Variants in TPGS2 observed in about 807,000 individuals in gnomAD.
TPGS2 encodes tubulin polyglutamylase complex subunit 2, also known as polyglutamylase subunit 2.
A neutral mutation model predicts 31.1 loss-of-function variants in TPGS2; 26 were observed. That is an observed-to-expected ratio of 0.84 (90% CI 0.61 to 1.16). The LOEUF is 1.16. Among genes scored for constraint, TPGS2 ranks in the 50% most tolerant of loss-of-function variants. The pLI, the probability that TPGS2 is intolerant of heterozygous loss-of-function variation, is 0.00. For synonymous variants in TPGS2, 130 were observed against 136.6 expected (o/e 0.95, Z 0.34); for missense variants, 351 against 363.8 (o/e 0.96, Z 0.29).
Position 36,795,416 on chromosome 18 carries a change from A to T in TPGS2, c.*1389T>A. On this transcript the variant is annotated 3_prime_UTR_variant, in exon 7 of 7. Coordinates refer to ENST00000334295, the MANE Select transcript of TPGS2 (RefSeq NM_015476.4). ...GAGGCCCCTGCACCTCATTCCTCAA[A>T]ACTCCTAATTCTCTAACCTCTGGGA... 1.0e-6 allele frequency: 1 copy of T among 985,328 alleles called. No homozygotes were observed. 61.0% of individuals were successfully genotyped at this position (985,328 alleles called of 1,614,324 possible).
At chr18:36,798,686 C>A in intron 5 of TPGS2, 77 bp from the exon 6 acceptor site, 7 of 1,511,264 alleles carry the variant, frequency 4.6e-6, no homozygotes, top group Non-Finnish European at 5.3e-6. Context: ...AAAGGTTATA[C>A]TCATGGCCTT....
In TPGS2 at chr18:36,794,399, C is replaced by CTTGA. The variant is rs1343542163; in HGVS notation, c.*2402_*2405dup. On this transcript the variant is annotated 3_prime_UTR_variant, in exon 7 of 7. Coordinates refer to ENST00000334295, the MANE Select transcript of TPGS2 (RefSeq NM_015476.4). ...TTTGATAGCCTTTTGAGAACTCCCA[C>CTTGA]TTGATTGCCACAGATTTGAGTGACA... 2.0e-6 allele frequency: 2 copies of CTTGA among 985,362 alleles called. No homozygotes were observed. Among genetic ancestry groups the CTTGA allele is most frequent in the African/African-American group, 3.5e-5 (2 of 57,220 alleles). 61.0% of individuals were successfully genotyped at this position (985,362 alleles called of 1,614,324 possible). A position where few individuals can be genotyped will look rare whatever the true frequency, so the allele number is the denominator to read the frequency against.
chr18:36,822,359 C>T (rs1011409341), intron 1 of TPGS2, among the ~76,000 whole-genome samples: 1 of 152,164 alleles, frequency 6.6e-6, no homozygotes, highest in Admixed American at 6.5e-5. Context: ...GTCTTTTCCC[C>T]CTGCTAATCA....
At chr18:36,801,740 G>C (rs2044827360) in intron 4 of TPGS2, among the ~76,000 whole-genome samples, 1 of 150,348 alleles carries the variant, frequency 6.7e-6, no homozygotes, top group South Asian at 2.1e-4. Flanking sequence ...CCCTTTGGCT[G>C]CATTTATGAT....
intron 3 of TPGS2, 72 bp downstream of exon 3, chr18:36,807,775 G>C: frequency 7.0e-7 from 1 of 1,424,186 alleles, no homozygotes; most frequent in South Asian, 1.2e-5. Flanking sequence ...CTCAAAAGTC[G>C]AAGGGCCCTC....
At chr18:36,816,020 A>T (rs1234031999) in intron 2 of TPGS2, among the ~76,000 whole-genome samples, 1 of 152,150 alleles carries the variant, frequency 6.6e-6, no homozygotes, top group African/African-American at 2.4e-5. Flanking sequence ...GCATATTTGA[A>T]CTTAGATCTG....
At chr18:36,814,373 T>C (rs1183279092) in intron 2 of TPGS2, among the ~76,000 whole-genome samples, 1 of 152,174 alleles carries the variant, frequency 6.6e-6, no homozygotes, top group East Asian at 1.9e-4. Context: ...AAATTGTGTA[T>C]TTAAGAAGAA....
intron 6 of TPGS2, 68 bp downstream of exon 6, chr18:36,798,381 A>G (rs1273413866): frequency 2.5e-6 from 4 of 1,603,316 alleles, no homozygotes; most frequent in Non-Finnish European, 3.4e-6. Context: ...GGAACCTGCA[A>G]TGTAACCATT....
rs2044470761 is a variant in TPGS2 at position 36,795,183 on chromosome 18, C to CAACA, written c.*1618_*1621dup. ...TCTCATGAATATCTATCACTATTGT[C>CAACA]AACAATCAAAATAAACATGTTTCAG... On this transcript the variant is annotated 3_prime_UTR_variant, in exon 7 of 7. Coordinates refer to ENST00000334295, the MANE Select transcript of TPGS2 (RefSeq NM_015476.4). 1.0e-6 allele frequency: 1 copy of CAACA among 985,228 alleles called. No homozygotes were observed. Among genetic ancestry groups the CAACA allele is most frequent in the African/African-American group, 1.7e-5 (1 of 57,212 alleles). 61.0% of individuals were successfully genotyped at this position (985,228 alleles called of 1,614,324 possible). A position where few individuals can be genotyped will look rare whatever the true frequency, so the allele number is the denominator to read the frequency against.
downstream of TPGS2, among the ~76,000 whole-genome samples, chr18:36,780,564 A>G (rs2043984862): frequency 6.6e-6 from 1 of 152,188 alleles, no homozygotes; most frequent in African/African-American, 2.4e-5. Flanking sequence ...GTTGTTAGGC[A>G]GTTTCATCAT....
Position 36,794,950 on chromosome 18 carries a change from T to G in TPGS2, c.*1855A>C, listed in dbSNP as rs2044459131. On this transcript the variant is annotated 3_prime_UTR_variant, in exon 7 of 7. Coordinates refer to ENST00000334295, the MANE Select transcript of TPGS2 (RefSeq NM_015476.4). ...TTGAAAAGGTAAGAGGTCTCGCTAT[T>G]TTAAAGCAAATGAAGAAGCTGTTAA... The G allele has an allele frequency of 1.0e-6, 1 of 985,052 alleles. No homozygotes were observed. Among genetic ancestry groups the G allele is most frequent in the African/African-American group, 1.8e-5 (1 of 57,104 alleles). The allele number at this position is 985,052 out of a possible 1,614,324, so 61.0% of individuals were successfully genotyped here.
intron 1 of TPGS2, among the ~76,000 whole-genome samples, chr18:36,826,904 A>G (rs140240291): frequency 2.0e-5 from 3 of 152,066 alleles, no homozygotes; most frequent in African/African-American, 7.2e-5. Context: ...TCTCTATCCC[A>G]TCCTATTTCT....
intron 2 of TPGS2, among the ~76,000 whole-genome samples, chr18:36,815,035 T>C (rs1021523314): frequency 2.0e-5 from 3 of 152,218 alleles, no homozygotes; most frequent in Non-Finnish European, 4.4e-5. Context: ...TATCTGAATG[T>C]ATTTATGCAG....
chr18:36,807,958 G>T (rs755422675), intron 2 of TPGS2, 24 bp from the exon 3 acceptor site: 3 of 1,613,090 alleles, frequency 1.9e-6, no homozygotes, highest in Non-Finnish European at 2.5e-6. Flanking sequence ...GCAGCTAAGT[G>T]TTAGGTAAGG....
chr18:36,811,134 T>A (rs1343727512), intron 2 of TPGS2, among the ~76,000 whole-genome samples: 1 of 152,180 alleles, frequency 6.6e-6, no homozygotes, highest in Non-Finnish European at 1.5e-5. Context: ...CATGAGAACA[T>A]TGCTGGAAAT....
intron 4 of TPGS2, 56 bp downstream of exon 4, chr18:36,805,318 G>C: frequency 6.3e-7 from 1 of 1,589,956 alleles, no homozygotes; most frequent in South Asian, 1.1e-5. Context: ...CCTACTATGC[G>C]CCAGGCATGG....
At chr18:36,805,291 C>T in intron 4 of TPGS2, 83 bp downstream of exon 4, 6 of 1,487,604 alleles carry the variant, frequency 4.0e-6, no homozygotes, top group Non-Finnish European at 5.6e-6. Flanking sequence ...CATTCATGCA[C>T]CAAGATTCAT....
At chr18:36,808,785 AAAG>A (rs144209500) in intron 2 of TPGS2, among the ~76,000 whole-genome samples, 16,119 of 152,158 alleles carry the variant, frequency 0.11, 1,125 homozygotes, top group Non-Finnish European at 0.14. Context: ...TGGAGAGAAC[AAAG>A]AAGAAACTTA....
At position 36,798,623 on chromosome 18, in the gene TPGS2, CAAAG is replaced by C; in HGVS notation, c.497-18_497-15del. Reference sequence around the variant, plus strand: ...CTTCTGCTAATGCTGAAGTAGAAGACAAAGGAAGTAAAAGATAAAGAATAGCTTA... The same window carrying C: ...CTTCTGCTAATGCTGAAGTAGAAGACGAAGTAAAAGATAAAGAATAGCTTA... On this transcript the variant is annotated splice_polypyrimidine_tract_variant and intron_variant, in intron 5 of 6. Coordinates refer to ENST00000334295, the MANE Select transcript of TPGS2 (RefSeq NM_015476.4). 1.2e-6 allele frequency: 2 copies of C among 1,608,880 alleles called. No homozygotes were observed. The highest frequency in any genetic ancestry group is 1.7e-6 in the Non-Finnish European group (2 of 1,176,242).
Sources: allele counts gnomAD v4.1 joint callset (sites outside exome capture counted in the v4.1 genomes callset), GRCh38; gene constraint gnomAD v4.1.1; transcripts MANE v1.5; gene names NCBI Gene and HGNC (gene_info 2026-07-23, HGNC 2026-07-21).